The following ZC4H2 variants were observed in gnomAD, a reference collection of about 807,000 sequenced individuals.
The protein encoded by ZC4H2 is zinc finger C4H2 domain-containing protein.
For synonymous variants in ZC4H2, 84 were observed against 66.3 expected, an observed-to-expected ratio of 1.27 and a Z score of -1.30; for missense variants, 137 against 173.9, an observed-to-expected ratio of 0.79 and a Z score of 1.19.
intron 2 of ZC4H2, among the ~76,000 whole-genome samples, chrX:64,921,604 C>T (rs758967910): frequency 8.1e-5 from 9 of 110,993 alleles, no homozygotes; most frequent in Admixed American, 2.9e-4. Context: ...AAAATGAGGC[C>T]CAGAGAGAAG....
intron 1 of ZC4H2, among the ~76,000 whole-genome samples, chrX:64,998,071 T>C (rs905102996): frequency 9.0e-6 from 1 of 111,391 alleles, no homozygotes; most frequent in Non-Finnish European, 1.9e-5. Flanking sequence ...AAACTGTGCA[T>C]GCAAAAAAGT....
At chrX:64,944,223 C>A (rs953373496) in intron 1 of ZC4H2, among the ~76,000 whole-genome samples, 10 of 104,000 alleles carry the variant, frequency 9.6e-5, no homozygotes, top group Non-Finnish European at 1.9e-4. Context: ...TCACTGCAAG[C>A]GCTGCCTCTC....
chrX:64,920,003 C>CGT, intron 3 of ZC4H2, 78 bp downstream of exon 3: 1 of 1,059,407 alleles, frequency 9.4e-7, no homozygotes, highest in Non-Finnish European at 1.3e-6. Context: ...TATACCTGCC[C>CGT]GTGTGTGTGT....
intron 1 of ZC4H2, among the ~76,000 whole-genome samples, chrX:64,971,441 G>T (rs1931777251): frequency 8.9e-6 from 1 of 112,037 alleles, no homozygotes; most frequent in African/African-American, 3.2e-5. Context: ...ATTCAGGATA[G>T]AAATAGAATT....
At chrX:64,989,200 G>A (rs1198829483) in intron 1 of ZC4H2, among the ~76,000 whole-genome samples, 11 of 111,655 alleles carry the variant, frequency 9.9e-5, no homozygotes, top group South Asian at 3.8e-4. Context: ...TTGGCAATGC[G>A]GGCTCTTCTT....
chrX:64,952,239 C>T (rs1430298528), intron 1 of ZC4H2, among the ~76,000 whole-genome samples: 1 of 109,949 alleles, frequency 9.1e-6, no homozygotes, highest in African/African-American at 3.4e-5. Flanking sequence ...TAGTGTGATG[C>T]CTCCAGCTTT....
chrX:64,994,195 G>A (rs1289071092), intron 1 of ZC4H2, among the ~76,000 whole-genome samples: 1 of 111,507 alleles, frequency 9.0e-6, no homozygotes, highest in Non-Finnish European at 1.9e-5. Context: ...AACCTTTACA[G>A]GTATTATTAG....
chrX:64,982,563 A>C (rs1932103565), intron 1 of ZC4H2, among the ~76,000 whole-genome samples: 1 of 112,379 alleles, frequency 8.9e-6, no homozygotes, highest in African/African-American at 3.2e-5. Flanking sequence ...ACAGGAGAGA[A>C]GCATGAAAAA....
chrX:65,005,628 C>G (rs1932639417), intron 1 of ZC4H2, among the ~76,000 whole-genome samples: 1 of 111,450 alleles, frequency 9.0e-6, no homozygotes, highest in African/African-American at 3.3e-5. Context: ...CTAGGCAATG[C>G]CATTCAGGAC....
chrX:64,970,925 G>A (rs954824235), intron 1 of ZC4H2, among the ~76,000 whole-genome samples: 10 of 111,934 alleles, frequency 8.9e-5, no homozygotes, highest in South Asian at 3.7e-4. Flanking sequence ...TGGAAACACC[G>A]ATAGGTAAAT....
In ZC4H2 at chrX:64,917,297, G is replaced by A. The variant is rs779898576; in HGVS notation, c.*486C>T. On this transcript the variant is annotated 3_prime_UTR_variant, in exon 5 of 5. Transcript: ENST00000374839. ...CCTTAAGGATGAGATGAGGGTAGGAGTAGGGGGATACATGCACCCAGCCTG... is the reference window on the plus strand; with the variant it reads ...CCTTAAGGATGAGATGAGGGTAGGAATAGGGGGATACATGCACCCAGCCTG... 8.8e-6 allele frequency: 1 copy of A among 114,025 alleles called. No homozygotes were observed. The highest frequency in any genetic ancestry group is 9.1e-5 in the Admixed American group (1 of 10,945). 9.4% of individuals were successfully genotyped at this position (114,025 alleles called of 1,213,427 possible).
upstream of ZC4H2, among the ~76,000 whole-genome samples, chrX:64,981,114 A>G (rs1451969595): frequency 9.3e-6 from 1 of 107,916 alleles, no homozygotes; most frequent in African/African-American, 3.4e-5. Flanking sequence ...TTAGCCTATG[A>G]AAAAAAAAAG....
intron 1 of ZC4H2, among the ~76,000 whole-genome samples, chrX:65,023,420 T>C (rs757611987): frequency 8.9e-6 from 1 of 111,969 alleles, no homozygotes; most frequent in South Asian, 3.7e-4. Flanking sequence ...AGCAAGGGCA[T>C]CCTTGTCTTG....
chrX:64,947,045 C>G, intron 1 of ZC4H2, among the ~76,000 whole-genome samples: 1 of 111,434 alleles, frequency 9.0e-6, no homozygotes, highest in Non-Finnish European at 1.9e-5. Context: ...TTTCAGCTCA[C>G]TCAGTTTAGT....
intron 1 of ZC4H2, among the ~76,000 whole-genome samples, chrX:64,987,842 T>A (rs1028642611): frequency 2.8e-5 from 3 of 105,471 alleles, no homozygotes; most frequent in Non-Finnish European, 5.9e-5. Context: ...CATTAACTCA[T>A]CATTTAACAT....
At chrX:64,940,374 T>A (rs1930221271) in intron 1 of ZC4H2, among the ~76,000 whole-genome samples, 1 of 111,760 alleles carries the variant, frequency 8.9e-6, no homozygotes, top group African/African-American at 3.2e-5. Flanking sequence ...ACTCTGATGA[T>A]AGTTTCTTTT....
At chrX:64,955,188 C>G (rs1448853455) in intron 1 of ZC4H2, among the ~76,000 whole-genome samples, 1 of 111,920 alleles carries the variant, frequency 8.9e-6, no homozygotes, top group Middle Eastern at 4.2e-3. Flanking sequence ...CCTGGGAAAA[C>G]AATCAAACCT....
intron 1 of ZC4H2, chrX:64,922,191 A>C: frequency 2.1e-6 from 2 of 957,497 alleles, no homozygotes; most frequent in South Asian, 3.5e-5. Flanking sequence ...CAGGAGGATC[A>C]CTTGAGCCCA....
intron 1 of ZC4H2, among the ~76,000 whole-genome samples, chrX:64,931,366 T>C (rs1384156559): frequency 9.0e-6 from 1 of 111,627 alleles, no homozygotes; most frequent in African/African-American, 3.3e-5. Context: ...TTTGCTCTGA[T>C]CTTGTTATTT....
Sources: gnomAD v4.1 joint callset for allele counts (sites outside exome capture counted in the v4.1 genomes callset) on GRCh38, gnomAD v4.1.1 for gene constraint, MANE v1.5 for transcripts, NCBI Gene and HGNC (gene_info 2026-07-23, HGNC 2026-07-21) for gene names.